Variants in GABRG3 observed in about 807,000 individuals in gnomAD.
GABRG3 encodes the protein gamma-aminobutyric acid type A receptor subunit gamma3.
Under a neutral mutation model 48.8 loss-of-function variants are expected in GABRG3, and 25 were observed. The ratio of observed to expected loss-of-function variants is 0.51; its 90% CI spans 0.37 to 0.72. The LOEUF (loss-of-function observed/expected upper bound fraction) is 0.72, where lower values mean the gene tolerates loss of function less well. Ranked by LOEUF, GABRG3 falls within the 30% of genes least tolerant of loss-of-function variation. The pLI is 0.00. For synonymous variants in GABRG3, 227 were observed against 217.6 expected (o/e 1.04, Z -0.38); for missense variants, 394 against 577.9 (o/e 0.68, Z 3.26).
Position 27,322,317 on chromosome 15 carries a change from C to T in GABRG3, c.271-4492C>T, listed in dbSNP as rs150389901. On this transcript the variant is annotated intron_variant, in intron 3 of 9. Transcript: ENST00000615808. ...AGCTTGCACCCGGAACACTGTAGGA[C>T]GCTCCCCTCTGCTACAGGGAAAGAG... Among the ~76,000 whole-genome samples the T allele has an allele frequency of 8.6e-5, 13 of 151,888 alleles. No homozygotes were observed. In the South Asian group the frequency reaches 1.0e-3, roughly 12 times the overall value.
At chr15:27,338,470 T>C (rs1220494084) in intron 5 of GABRG3, among the ~76,000 whole-genome samples, 1 of 152,214 alleles carries the variant, frequency 6.6e-6, no homozygotes, top group East Asian at 1.9e-4. Flanking sequence ...GGTGGTTCTG[T>C]GGTCCTGAGG....
intron 3 of GABRG3, among the ~76,000 whole-genome samples, chr15:27,309,948 C>A (rs920674138): frequency 6.6e-5 from 10 of 151,986 alleles, no homozygotes; most frequent in African/African-American, 2.4e-4. Context: ...GATAAACAAA[C>A]GGTGACACAT....
rs181594702 is a variant in GABRG3 at position 27,403,689 on chromosome 15, C to T, written c.574+74801C>T. On this transcript the variant is annotated intron_variant, in intron 5 of 9. Transcript: ENST00000615808. ...CAGCGCTTTGGGAGGCCGAGGTGGG[C>T]GGATCACGAGGTCAGGAGATGGAGA... Among the ~76,000 whole-genome samples the T allele has an allele frequency of 5.1e-4, 76 of 147,930 alleles. No homozygotes were observed. In the East Asian group the frequency reaches 7.7e-3, roughly 15 times the overall value.
intron 3 of GABRG3, among the ~76,000 whole-genome samples, chr15:27,172,659 G>A (rs1887611476): frequency 6.6e-6 from 1 of 152,152 alleles, no homozygotes; most frequent in Non-Finnish European, 1.5e-5. Context: ...TGTCCAGGTA[G>A]TTAATACATA....
chr15:27,071,019 A>T (rs1467154440), intron 3 of GABRG3, among the ~76,000 whole-genome samples: 2 of 152,178 alleles, frequency 1.3e-5, no homozygotes, highest in Non-Finnish European at 2.9e-5. Context: ...TGCCCTGTTC[A>T]TCTGAATAAC....
At chr15:27,345,100 A>G (rs575414154) in intron 5 of GABRG3, among the ~76,000 whole-genome samples, 2 of 152,252 alleles carry the variant, frequency 1.3e-5, no homozygotes, top group South Asian at 4.1e-4. Context: ...GTTTAAAATG[A>G]GTTTCTTTAG....
chr15:27,061,567 A>G (rs1047749304), intron 3 of GABRG3, among the ~76,000 whole-genome samples: 46 of 151,512 alleles, frequency 3.0e-4, no homozygotes, highest in African/African-American at 9.9e-4. Flanking sequence ...TCATCCATGT[A>G]TTTATGAGTG....
intron 2 of GABRG3, among the ~76,000 whole-genome samples, chr15:27,009,430 A>C (rs148312923): frequency 6.6e-6 from 1 of 152,314 alleles, no homozygotes; most frequent in East Asian, 1.9e-4. Flanking sequence ...CAATATATAC[A>C]TCCTACATAT....
At chr15:27,022,575 C>A (rs1325084830) in intron 2 of GABRG3, among the ~76,000 whole-genome samples, 1 of 152,188 alleles carries the variant, frequency 6.6e-6, no homozygotes, top group Non-Finnish European at 1.5e-5. Context: ...GAACTTTCTT[C>A]AAATAAAATA....
At chr15:27,430,336 T>G (rs765643107) in intron 5 of GABRG3, among the ~76,000 whole-genome samples, 6 of 152,240 alleles carry the variant, frequency 3.9e-5, no homozygotes, top group Non-Finnish European at 7.3e-5. Flanking sequence ...AATAGTTTCT[T>G]GTATTCTGTG....
At chr15:27,397,802 ATTTTT>A (rs10562407) in intron 5 of GABRG3, among the ~76,000 whole-genome samples, 2 of 122,314 alleles carry the variant, frequency 1.6e-5, no homozygotes. Flanking sequence ...TCTCTGAAAA[ATTTTT>A]TTTTTTTTTT....
chr15:27,214,126 A>G (rs1889162692), intron 3 of GABRG3, among the ~76,000 whole-genome samples: 1 of 152,154 alleles, frequency 6.6e-6, no homozygotes. Context: ...GAGCCAACTT[A>G]CCTCTGATGG....
chr15:27,112,533 T>C (rs984338197), intron 3 of GABRG3, among the ~76,000 whole-genome samples: 2 of 150,978 alleles, frequency 1.3e-5, no homozygotes, highest in Non-Finnish European at 2.9e-5. Flanking sequence ...CTCTGCCTCC[T>C]GGGTTCAAGC....
At chr15:27,166,361 AAAATCAATTTAAG>A (rs1173438805) in intron 3 of GABRG3, among the ~76,000 whole-genome samples, 5 of 152,176 alleles carry the variant, frequency 3.3e-5, no homozygotes, top group African/African-American at 1.2e-4. Flanking sequence ...GCTCTTTTAA[AAAATCAATTTAAG>A]AAATGCCCTA....
chr15:26,986,917 A>G (rs1030703699), intron 2 of GABRG3, among the ~76,000 whole-genome samples: 5 of 152,238 alleles, frequency 3.3e-5, no homozygotes, highest in African/African-American at 1.2e-4. Flanking sequence ...TTTCAGAGTG[A>G]AAGAGACAGC....
At chr15:27,497,782 C>T (rs901859244) in intron 6 of GABRG3, among the ~76,000 whole-genome samples, 5 of 152,104 alleles carry the variant, frequency 3.3e-5, no homozygotes, top group Non-Finnish European at 5.9e-5. Flanking sequence ...TTCTGGCTTT[C>T]ATATTTTTGT....
At chr15:27,222,846 G>A (rs933042378) in intron 3 of GABRG3, among the ~76,000 whole-genome samples, 3 of 152,168 alleles carry the variant, frequency 2.0e-5, no homozygotes, top group African/African-American at 7.2e-5. Context: ...GTTCCCCACG[G>A]CCCTGGAACA....
chr15:27,100,241 GAATT>G (rs1897333850), intron 3 of GABRG3, among the ~76,000 whole-genome samples: 1 of 146,994 alleles, frequency 6.8e-6, no homozygotes, highest in Non-Finnish European at 1.5e-5. Context: ...AAAAAAATCA[GAATT>G]AATGGACCAG....
At chr15:27,171,873 T>G (rs551469720) in intron 3 of GABRG3, among the ~76,000 whole-genome samples, 1 of 152,286 alleles carries the variant, frequency 6.6e-6, no homozygotes, top group African/African-American at 2.4e-5. Flanking sequence ...CTGGGTAATT[T>G]ATAAAGAAAA....
Sources: gnomAD v4.1 joint callset for allele counts (sites outside exome capture counted in the v4.1 genomes callset) on GRCh38, gnomAD v4.1.1 for gene constraint, MANE v1.5 for transcripts, NCBI Gene and HGNC (gene_info 2026-07-23, HGNC 2026-07-21) for gene names.